The following RBMS3 variants were observed in gnomAD, a reference collection of about 807,000 sequenced individuals.
RBMS3 encodes the protein RNA-binding motif, single-stranded-interacting protein 3.
A neutral mutation model predicts 66.8 loss-of-function variants in RBMS3; 27 were observed. That is an observed-to-expected ratio of 0.40 (90% CI 0.30 to 0.56). The LOEUF is 0.56. Among genes scored for constraint, RBMS3 ranks in the 20% least tolerant of loss-of-function variants. The probability of loss-of-function intolerance (pLI) is 0.40; values close to 1 mark genes in which losing one functional copy is unlikely to be tolerated. For synonymous variants in RBMS3, 188 were observed against 183.0 expected, an observed-to-expected ratio of 1.03 and a Z score of -0.22; for missense variants, 513 against 549.5, an observed-to-expected ratio of 0.93 and a Z score of 0.66.
At chr3:29,896,268 TAGAA>T (rs924375783) in intron 8 of RBMS3, among the ~76,000 whole-genome samples, 3 of 151,404 alleles carry the variant, frequency 2.0e-5, no homozygotes, top group African/African-American at 7.3e-5. Flanking sequence ...GATGCTTTCT[TAGAA>T]AGACAACTCA....
intron 4 of RBMS3, among the ~76,000 whole-genome samples, chr3:29,659,393 C>T (rs903616641): frequency 6.6e-6 from 1 of 152,118 alleles, no homozygotes; most frequent in Admixed American, 6.5e-5. Flanking sequence ...CCTATTCCCC[C>T]ATTCCCCAGT....
chr3:29,642,846 A>G (rs1367656172), intron 4 of RBMS3: 1 of 152,082 alleles, frequency 6.6e-6, no homozygotes, highest in Non-Finnish European at 1.5e-5. Flanking sequence ...TTGAGCTATA[A>G]AAGGCTGCTG....
At chr3:29,592,410 C>T (rs1156380482) in intron 4 of RBMS3, among the ~76,000 whole-genome samples, 3 of 152,118 alleles carry the variant, frequency 2.0e-5, no homozygotes, top group African/African-American at 7.2e-5. Flanking sequence ...TGAAAAAATG[C>T]TCATTATCAC....
intron 14 of RBMS3, among the ~76,000 whole-genome samples, chr3:29,997,920 G>A (rs1699357195): frequency 6.6e-6 from 1 of 152,170 alleles, no homozygotes; most frequent in Non-Finnish European, 1.5e-5. Flanking sequence ...TCTGGCCAGG[G>A]CAATCAGCCA....
intron 3 of RBMS3, among the ~76,000 whole-genome samples, chr3:29,520,649 A>G (rs1263555894): frequency 6.6e-6 from 1 of 152,190 alleles, no homozygotes; most frequent in Non-Finnish European, 1.5e-5. Context: ...GGGTTTTTTT[A>G]GATCAGAAAA....
chr3:29,522,516 G>T (rs1042492165), intron 3 of RBMS3, among the ~76,000 whole-genome samples: 1 of 152,094 alleles, frequency 6.6e-6, no homozygotes, highest in Non-Finnish European at 1.5e-5. Flanking sequence ...TCGAGGGATA[G>T]TGGAAGGAAG....
At chr3:29,633,978 A>T (rs977632372) in intron 4 of RBMS3, among the ~76,000 whole-genome samples, 1 of 151,958 alleles carries the variant, frequency 6.6e-6, no homozygotes, top group Non-Finnish European at 1.5e-5. Context: ...ATATCTTATA[A>T]AGAAATTTTA....
At chr3:29,916,291 A>G (rs2060636929) in intron 10 of RBMS3, among the ~76,000 whole-genome samples, 1 of 151,880 alleles carries the variant, frequency 6.6e-6, no homozygotes, top group Non-Finnish European at 1.5e-5. Context: ...TTATTAGACA[A>G]TTACTAAATT....
intron 4 of RBMS3, among the ~76,000 whole-genome samples, chr3:29,632,160 A>G (rs2049306142): frequency 6.6e-6 from 1 of 151,966 alleles, no homozygotes; most frequent in Non-Finnish European, 1.5e-5. Flanking sequence ...CCATTTGAGT[A>G]GAGAAAAATA....
chr3:29,565,999 G>A (rs1006332712), intron 3 of RBMS3, among the ~76,000 whole-genome samples: 2 of 152,104 alleles, frequency 1.3e-5, no homozygotes, highest in Non-Finnish European at 2.9e-5. Context: ...AGAGTTATGA[G>A]AATTATAATG....
rs150070188 is a variant in RBMS3 at position 29,604,480 on chromosome 3, C to T, written c.399+17275C>T. On this transcript the variant is annotated intron_variant, in intron 4 of 14. Coordinates refer to ENST00000383767, the MANE Select transcript of RBMS3 (RefSeq NM_001003793.3). ...GCAGAATCCAGGCCTGGTGCCTCAT[C>T]ATCCTTCCTATAGAGTTCTGCACAT... 5.1e-3 allele frequency among the ~76,000 whole-genome samples: 768 copies of T among 152,032 alleles called. 14 individuals carry two copies. The highest frequency in any genetic ancestry group is 0.017 in the African/African-American group (714 of 41,512).
At chr3:29,515,848 C>T (rs966502340) in intron 3 of RBMS3, among the ~76,000 whole-genome samples, 1 of 152,196 alleles carries the variant, frequency 6.6e-6, no homozygotes, top group Admixed American at 6.5e-5. Context: ...TGTTCAAAAG[C>T]TTTGTGCTTT....
chr3:29,818,993 T>C (rs1381412374), intron 6 of RBMS3, among the ~76,000 whole-genome samples: 1 of 152,182 alleles, frequency 6.6e-6, no homozygotes, highest in East Asian at 1.9e-4. Flanking sequence ...AAAGTAGTTT[T>C]CTAGACCCAG....
At chr3:29,887,068 A>T (rs1356410173) in intron 8 of RBMS3, among the ~76,000 whole-genome samples, 2 of 151,794 alleles carry the variant, frequency 1.3e-5, no homozygotes. Flanking sequence ...TACCATAAGC[A>T]CCCATTGGTG....
chr3:29,861,188 A>T (rs2059207841), intron 6 of RBMS3, among the ~76,000 whole-genome samples: 1 of 152,216 alleles, frequency 6.6e-6, no homozygotes, highest in African/African-American at 2.4e-5. Context: ...AAAATTTATA[A>T]CATTTTAACT....
At chr3:29,906,619 A>G (rs1015730221) in intron 10 of RBMS3, among the ~76,000 whole-genome samples, 2 of 152,150 alleles carry the variant, frequency 1.3e-5, no homozygotes, top group Admixed American at 6.6e-5. Context: ...ATAAAAATGT[A>G]TATACTAATT....
intron 4 of RBMS3, among the ~76,000 whole-genome samples, chr3:29,685,626 T>C (rs1354719033): frequency 1.3e-5 from 2 of 152,206 alleles, no homozygotes; most frequent in Non-Finnish European, 2.9e-5. Flanking sequence ...AGGTATATAC[T>C]TATTAGAAAG....
intron 14 of RBMS3, among the ~76,000 whole-genome samples, chr3:29,997,128 T>C (rs1315947652): frequency 6.6e-6 from 1 of 151,618 alleles, no homozygotes; most frequent in Non-Finnish European, 1.5e-5. Flanking sequence ...CATCAGAGAA[T>C]ACTACAAACA....
chr3:29,507,664 G>A (rs2044236959), intron 3 of RBMS3, among the ~76,000 whole-genome samples: 1 of 152,024 alleles, frequency 6.6e-6, no homozygotes, highest in Admixed American at 6.6e-5. Flanking sequence ...TTCCATATGT[G>A]CAAAAACAAG....
Sources: allele counts gnomAD v4.1 joint callset (sites outside exome capture counted in the v4.1 genomes callset), GRCh38; gene constraint gnomAD v4.1.1; transcripts MANE v1.5; gene names NCBI Gene and HGNC (gene_info 2026-07-23, HGNC 2026-07-21).